The following SLC12A8 variants were observed in gnomAD, a reference collection of about 807,000 sequenced individuals.
The protein encoded by SLC12A8 is solute carrier family 12 member 8.
A neutral mutation model predicts 75.6 loss-of-function variants in SLC12A8; 69 were observed. The ratio of observed to expected loss-of-function variants is 0.91; its 90% confidence interval spans 0.75 to 1.11. The LOEUF is 1.11. Among genes scored for constraint, SLC12A8 ranks in the 50% most tolerant of loss-of-function variants. The pLI is 0.00. For missense variants in SLC12A8, 877 were observed against 896.7 expected (o/e 0.98, Z 0.28); for synonymous variants, 365 against 372.8 (o/e 0.98, Z 0.24).
chr3:125,083,172 T>A lies in SLC12A8; in HGVS notation c.*718A>T, dbSNP rs1039930726. On this transcript the variant is annotated 3_prime_UTR_variant, in exon 14 of 14. Transcript: ENST00000469902. ...TATATCTTTTGGGTGTGGAAACATG[T>A]GAGTGTATTATTTATTTTTGAATAA... 5 of 152,164 alleles carry A rather than the reference T, an allele frequency of 3.3e-5. No homozygotes were observed. Among genetic ancestry groups the A allele is most frequent in the African/African-American group, 1.2e-4 (5 of 41,446 alleles). 9.4% of individuals were successfully genotyped at this position (152,164 alleles called of 1,614,324 possible).
At chr3:125,128,137 TGG>T (rs1933253582) in intron 6 of SLC12A8, among the ~76,000 whole-genome samples, 2 of 151,744 alleles carry the variant, frequency 1.3e-5, no homozygotes, top group Non-Finnish European at 2.9e-5. Flanking sequence ...CCCAAAGTGC[TGG>T]GATTACAGGC....
intron 5 of SLC12A8, among the ~76,000 whole-genome samples, chr3:125,168,119 A>G (rs773277844): frequency 1.2e-4 from 18 of 152,230 alleles, no homozygotes; most frequent in Non-Finnish European, 1.9e-4. Context: ...TCTGATTTGG[A>G]CATTATCTAA....
At chr3:125,087,539 C>G (rs984885553) in intron 13 of SLC12A8, among the ~76,000 whole-genome samples, 4 of 152,144 alleles carry the variant, frequency 2.6e-5, no homozygotes, top group African/African-American at 9.7e-5. Flanking sequence ...CATCTAGAGT[C>G]TCAAAAACAA....
intron 5 of SLC12A8, among the ~76,000 whole-genome samples, chr3:125,172,904 C>T (rs1041563941): frequency 2.6e-4 from 39 of 152,146 alleles, no homozygotes; most frequent in Admixed American, 1.7e-3. Context: ...ACTGGTCAGG[C>T]GCAGTGGCTC....
intron 10 of SLC12A8, 131 bp from the exon 11 acceptor site, chr3:125,092,329 C>A: frequency 1.8e-6 from 1 of 568,224 alleles, no homozygotes; most frequent in African/African-American, 1.9e-5. Flanking sequence ...AGGGCTTGCT[C>A]TTGCAGAAGG....
chr3:125,212,100 G>C (rs931780544), intron 1 of SLC12A8, among the ~76,000 whole-genome samples: 33 of 152,078 alleles, frequency 2.2e-4, no homozygotes, highest in Admixed American at 1.6e-3. Flanking sequence ...AAGGAGGAAG[G>C]GGGAGGAAGA....
At chr3:125,176,872 T>C (rs1934541516) in intron 5 of SLC12A8, among the ~76,000 whole-genome samples, 1 of 150,926 alleles carries the variant, frequency 6.6e-6, no homozygotes, top group Non-Finnish European at 1.5e-5. Flanking sequence ...TTTACACTGT[T>C]GGTGGGACTG....
At chr3:125,090,555 C>T (rs1328174432) in intron 12 of SLC12A8, among the ~76,000 whole-genome samples, 1 of 152,106 alleles carries the variant, frequency 6.6e-6, no homozygotes, top group East Asian at 1.9e-4. Flanking sequence ...TCTATTTCTT[C>T]CTGTAGTTCT....
intron 6 of SLC12A8, among the ~76,000 whole-genome samples, chr3:125,128,948 T>C (rs1933286521): frequency 6.6e-6 from 1 of 152,154 alleles, no homozygotes; most frequent in Non-Finnish European, 1.5e-5. Flanking sequence ...TTCCCAGAGC[T>C]TCCCAGGGTG....
In SLC12A8 at chr3:125,155,621, A is replaced by ATTAGCCGGGTATG. The variant is rs578023995; in HGVS notation, c.623-19840_623-19839insCATACCCGGCTAA. On this transcript the variant is annotated intron_variant, in intron 5 of 13. Transcript: ENST00000469902. ...CCTGTCTCTACTAAAAATACAAAAA[A>ATTAGCCGGGTATG]GTAGCTGTAGTCCCAGCTACTCGGG... Among the ~76,000 whole-genome samples, 5 of 120,706 alleles carry ATTAGCCGGGTATG rather than the reference A, an allele frequency of 4.1e-5. 1 individual carries two copies. The highest frequency in any genetic ancestry group is 2.6e-4 in the Admixed American group (3 of 11,460). The allele number at this position is 120,706 out of a possible 152,430, so 79.2% of individuals were successfully genotyped here. A position where few individuals can be genotyped will look rare whatever the true frequency, so the allele number is the denominator to read the frequency against.
At chr3:125,190,075 GC>G (rs1206227395) in intron 3 of SLC12A8, among the ~76,000 whole-genome samples, 1 of 152,172 alleles carries the variant, frequency 6.6e-6, no homozygotes, top group Admixed American at 6.5e-5. Flanking sequence ...AGGCAAAATT[GC>G]CATCAATCTG....
At chr3:125,203,655 C>T (rs1935172893) in intron 2 of SLC12A8, among the ~76,000 whole-genome samples, 1 of 152,220 alleles carries the variant, frequency 6.6e-6, no homozygotes, top group Non-Finnish European at 1.5e-5. Flanking sequence ...ACATAGGGGG[C>T]ATGCTTTGGG....
At chr3:125,149,199 G>C (rs1000882461) in intron 5 of SLC12A8, among the ~76,000 whole-genome samples, 5 of 152,218 alleles carry the variant, frequency 3.3e-5, no homozygotes, top group Non-Finnish European at 5.9e-5. Flanking sequence ...AGACTCGGGG[G>C]TCGAAGCTGG....
rs1210153033 is a variant in SLC12A8, at chr3:125,211,303, T to A, written c.47A>T (p.Gln16Leu). 6.2e-7 allele frequency: 1 copy of A among 1,613,594 alleles called. No individual in the cohort carries two copies. Among genetic ancestry groups the A allele is most frequent in the South Asian group, 1.1e-5 (1 of 91,074 alleles). ...QVQELFHEAA[Q>L]QDALAQPQPW... ...CCTGGCACATCCTGAGCCTACCTGCTGGGCTGCCTCATGGAAGAGCTCCTG... is the reference window on the plus strand; with the variant it reads ...CCTGGCACATCCTGAGCCTACCTGCAGGGCTGCCTCATGGAAGAGCTCCTG... Residue 16 changes from glutamine (Q) to leucine (L), a missense_variant, in exon 2 of 14, where the codon CAG (glutamine) becomes CTG (leucine). Transcript: ENST00000469902.
chr3:125,107,079 G>A (rs1451853554), intron 10 of SLC12A8, among the ~76,000 whole-genome samples: 1 of 152,112 alleles, frequency 6.6e-6, no homozygotes, highest in African/African-American at 2.4e-5. Flanking sequence ...TGGTTTGGGA[G>A]GTTCATCTTC....
At chr3:125,092,277 C>T in intron 10 of SLC12A8, 79 bp from the exon 11 acceptor site, 1 of 915,626 alleles carries the variant, frequency 1.1e-6, no homozygotes, top group South Asian at 1.5e-5. Flanking sequence ...CCTATGAGCT[C>T]CTCTTCCCCA....
At chr3:125,179,495 T>C (rs1393478880) in intron 4 of SLC12A8, among the ~76,000 whole-genome samples, 2 of 152,190 alleles carry the variant, frequency 1.3e-5, no homozygotes, top group Non-Finnish European at 2.9e-5. Context: ...GTAATACAAC[T>C]TCTGGATTTG....
chr3:125,084,123 T>G (rs1218455907), intron 13 of SLC12A8, 71 bp from the exon 14 acceptor site: 11 of 1,303,836 alleles, frequency 8.4e-6, no homozygotes. Context: ...GTGAGTCTAC[T>G]GGGCATAAAG....
Position 125,083,835 on chromosome 3 carries a change from C to G in SLC12A8, c.*55G>C. ...GAAGCAGCTCCACGAAGGTCCTGAG[C>G]TTGGGTCCACTGTACATGGGACAGC... On this transcript the variant is annotated 3_prime_UTR_variant, in exon 14 of 14. Coordinates refer to ENST00000469902, the MANE Select transcript of SLC12A8 (RefSeq NM_024628.6). 6.4e-7 allele frequency: 1 copy of G among 1,555,438 alleles called. No individual in the cohort carries two copies. The highest frequency in any genetic ancestry group is 8.7e-7 in the Non-Finnish European group (1 of 1,144,778).
Sources: gnomAD v4.1 joint callset for allele counts (sites outside exome capture counted in the v4.1 genomes callset) on GRCh38, gnomAD v4.1.1 for gene constraint, MANE v1.5 for transcripts, NCBI Gene and HGNC (gene_info 2026-07-23, HGNC 2026-07-21) for gene names.